STK39: variants seen among roughly 807,000 people sequenced by gnomAD.
STK39 encodes the protein STE20/SPS1-related proline-alanine-rich protein kinase.
A neutral mutation model predicts 77.8 loss-of-function variants in STK39; 20 were observed. That is an observed-to-expected ratio of 0.26 (90% CI 0.18 to 0.37). The LOEUF is 0.37. Ranked by LOEUF, STK39 falls within the 10% of genes least tolerant of loss-of-function variation. STK39 has a pLI of 1.00. For synonymous variants in STK39, 246 were observed against 234.1 expected (o/e 1.05, Z -0.47); for missense variants, 479 against 656.5 (o/e 0.73, Z 2.95).
rs549403870 is a variant in STK39, at chr2:168,134,213, T to A, written c.974+3875A>T. The stretch of plus-strand genomic sequence containing the variant: ...CTTTGAACAATGATTCAATTTTAAA[T>A]CCTTAAAAACAATGCAGCAGTCTGC... On this transcript the variant is annotated intron_variant, in intron 8 of 17. Coordinates refer to ENST00000355999, the MANE Select transcript of STK39 (RefSeq NM_013233.3). Among the ~76,000 whole-genome samples, 50 of 152,258 alleles carry A rather than the reference T, an allele frequency of 3.3e-4. No homozygotes were observed. In the South Asian group the frequency reaches 5.4e-3, roughly 16 times the overall value.
intron 2 of STK39, among the ~76,000 whole-genome samples, chr2:168,181,325 T>C (rs77202455): frequency 0.023 from 3,576 of 152,288 alleles, 86 homozygotes; most frequent in East Asian, 0.076. Context: ...TTTGCCAAGC[T>C]GTTCATTTAA....
At chr2:168,005,616 A>G (rs191345013) in intron 16 of STK39, among the ~76,000 whole-genome samples, 153 of 152,320 alleles carry the variant, frequency 1.0e-3, no homozygotes, top group African/African-American at 3.6e-3. Flanking sequence ...ATAAAATAGA[A>G]GACAAGCGTT....
intron 10 of STK39, among the ~76,000 whole-genome samples, chr2:168,118,602 C>CAAAAAAAAAA (rs35533319): frequency 2.5e-5 from 3 of 119,346 alleles, no homozygotes; most frequent in Admixed American, 8.7e-5. Context: ...CATATGCTTT[C>CAAAAAAAAAA]AAAAAAAAAA....
intron 1 of STK39, among the ~76,000 whole-genome samples, chr2:168,209,486 G>C (rs973794342): frequency 6.6e-6 from 1 of 151,966 alleles, no homozygotes; most frequent in Non-Finnish European, 1.5e-5. Flanking sequence ...AGACTAGCCT[G>C]ACCAACATGG....
At chr2:168,100,167 T>C (rs1442467114) in intron 10 of STK39, among the ~76,000 whole-genome samples, 1 of 152,176 alleles carries the variant, frequency 6.6e-6, no homozygotes, top group African/African-American at 2.4e-5. Context: ...AGGTTTATAT[T>C]GCACTCACAA....
intron 3 of STK39, among the ~76,000 whole-genome samples, 169 bp from the exon 4 acceptor site, chr2:168,164,049 C>T (rs1457958124): frequency 2.0e-5 from 3 of 152,204 alleles, no homozygotes; most frequent in Non-Finnish European, 4.4e-5. Context: ...ACCAAAAACA[C>T]TAAATCCAAG....
chr2:168,142,662 C>A (rs958310568), intron 5 of STK39, among the ~76,000 whole-genome samples: 2 of 152,118 alleles, frequency 1.3e-5, no homozygotes, highest in Non-Finnish European at 2.9e-5. Flanking sequence ...ATTGACAATA[C>A]CCTTTCAATA....
chr2:168,247,331 C>A lies in STK39; in HGVS notation c.105G>T (p.Pro35=). Residue 35 remains proline (P), a synonymous_variant, in exon 1 of 18, where the codon CCG becomes CCT. Transcript: ENST00000355999. The part of the protein sequence containing the change: ...AAAPAAATAA[P]APAAPAAPAP... ...CCGGGGCCGCGGGAGCTGCCGGGGCCGGCGCTGCTGTCGCGGCCGCCGGGG... is the reference window on the plus strand; with the variant it reads ...CCGGGGCCGCGGGAGCTGCCGGGGCAGGCGCTGCTGTCGCGGCCGCCGGGG... The A allele has an allele frequency of 9.6e-7, 1 of 1,039,298 alleles. No individual in the cohort carries two copies. The highest frequency in any genetic ancestry group is 1.2e-6 in the Non-Finnish European group (1 of 862,010). 64.4% of individuals were successfully genotyped at this position (1,039,298 alleles called of 1,614,324 possible).
intron 16 of STK39, among the ~76,000 whole-genome samples, chr2:168,011,387 A>G (rs1684267258): frequency 6.6e-6 from 1 of 152,180 alleles, no homozygotes; most frequent in Non-Finnish European, 1.5e-5. Flanking sequence ...GAATATTTTA[A>G]TAAGGCATTA....
At chr2:168,171,793 T>A (rs1369737915) in intron 2 of STK39, among the ~76,000 whole-genome samples, 1 of 152,018 alleles carries the variant, frequency 6.6e-6, no homozygotes, top group African/African-American at 2.4e-5. Context: ...CTGCCATAAC[T>A]AAATATAATA....
chr2:168,004,776 A>G (rs1684085406), intron 16 of STK39, among the ~76,000 whole-genome samples: 1 of 151,642 alleles, frequency 6.6e-6, no homozygotes, highest in Non-Finnish European at 1.5e-5. Flanking sequence ...TAAAGTGACT[A>G]TGAAATTCCA....
rs139866566 is a variant in STK39, at chr2:168,168,732, T to G, written c.322-1325A>C. 6.7e-3 allele frequency among the ~76,000 whole-genome samples: 1,026 copies of G among 152,324 alleles called. 13 individuals are homozygous for G. The highest frequency in any genetic ancestry group is 0.023 in the African/African-American group (961 of 41,578). On this transcript the variant is annotated intron_variant, in intron 2 of 17. Coordinates refer to ENST00000355999, the MANE Select transcript of STK39 (RefSeq NM_013233.3). ...TTGGCTGGGGGCAGTGGCTCATACA[T>G]GTAATCCCAACACTTTGGGAGGCCG...
intron 1 of STK39, chr2:168,231,926 T>C (rs1574577847): frequency 4.2e-6 from 1 of 236,756 alleles, no homozygotes; most frequent in Non-Finnish European, 9.5e-6. Context: ...ACCAATCACC[T>C]CTTCTTGTAG....
intron 1 of STK39, among the ~76,000 whole-genome samples, chr2:168,191,124 G>A (rs551424925): frequency 6.6e-6 from 1 of 152,286 alleles, no homozygotes; most frequent in Admixed American, 6.5e-5. Flanking sequence ...CTACTTCCAG[G>A]TCAGTCCCAC....
At chr2:168,146,502 A>G (rs1174818546) in intron 5 of STK39, among the ~76,000 whole-genome samples, 1 of 152,192 alleles carries the variant, frequency 6.6e-6, no homozygotes, top group African/African-American at 2.4e-5. Flanking sequence ...GCTGGGTGGG[A>G]GTCTGGAGCA....
intron 1 of STK39, among the ~76,000 whole-genome samples, chr2:168,236,115 T>TGG (rs1188213151): frequency 1.3e-5 from 2 of 152,030 alleles, no homozygotes; most frequent in African/African-American, 2.4e-5. Context: ...CTCCAGCACC[T>TGG]GTTGTTTCCT....
chr2:168,142,956 T>G (rs574951489), intron 5 of STK39, among the ~76,000 whole-genome samples: 1 of 152,328 alleles, frequency 6.6e-6, no homozygotes, highest in East Asian at 1.9e-4. Context: ...TATATTGAGA[T>G]AGCTTGCATA....
chr2:168,137,363 C>G (rs1038038605), intron 8 of STK39, among the ~76,000 whole-genome samples: 1 of 152,128 alleles, frequency 6.6e-6, no homozygotes, highest in African/African-American at 2.4e-5. Context: ...CTTACCCAGG[C>G]AAGGCCATTC....
At chr2:168,042,029 C>T (rs1685119313) in intron 14 of STK39, among the ~76,000 whole-genome samples, 2 of 152,168 alleles carry the variant, frequency 1.3e-5, no homozygotes, top group African/African-American at 2.4e-5. Flanking sequence ...TATAGGTCTA[C>T]TTTTGTCAAG....
Sources: allele counts gnomAD v4.1 joint callset (sites outside exome capture counted in the v4.1 genomes callset), GRCh38; gene constraint gnomAD v4.1.1; transcripts MANE v1.5; gene names NCBI Gene and HGNC (gene_info 2026-07-23, HGNC 2026-07-21).